RBFOX2: variants seen among roughly 807,000 people sequenced by gnomAD.
RBFOX2 encodes RNA binding fox-1 homolog 2, also known as RNA binding protein fox-1 homolog 2.
Under a neutral mutation model 49.1 loss-of-function variants are expected in RBFOX2, and 10 were observed. That is an observed-to-expected ratio of 0.20 (90% CI 0.13 to 0.35). The LOEUF (loss-of-function observed/expected upper bound fraction) is 0.35. Ranked by LOEUF, RBFOX2 falls within the 10% of genes least tolerant of loss-of-function variation. The probability of loss-of-function intolerance (pLI) is 1.00; values close to 1 mark genes in which losing one functional copy is unlikely to be tolerated. For synonymous variants in RBFOX2, 183 were observed against 187.4 expected (o/e 0.98, Z 0.19); for missense variants, 323 against 486.9 (o/e 0.66, Z 3.17).
At chr22:35,897,774 C>T (rs754942911) in intron 1 of RBFOX2, 19 of 760,748 alleles carry the variant, frequency 2.5e-5, no homozygotes, top group Non-Finnish European at 3.9e-5. Context: ...GGAATCTATC[C>T]TCTCTTCCAA....
chr22:36,021,017 T>C (rs1023238247), intron 1 of RBFOX2, among the ~76,000 whole-genome samples: 148 of 151,828 alleles, frequency 9.7e-4, no homozygotes, highest in African/African-American at 3.3e-3. Context: ...CAATGATAAA[T>C]TGGATTAAGA....
At chr22:35,886,122 C>A (rs1316711072) in intron 1 of RBFOX2, among the ~76,000 whole-genome samples, 1 of 152,036 alleles carries the variant, frequency 6.6e-6, no homozygotes, top group Non-Finnish European at 1.5e-5. Context: ...TCCCAAAGTG[C>A]TGGGATTACA....
intron 2 of RBFOX2, among the ~76,000 whole-genome samples, chr22:35,803,294 T>C (rs911246052): frequency 6.6e-6 from 1 of 152,078 alleles, no homozygotes; most frequent in African/African-American, 2.4e-5. Flanking sequence ...GTGACCCAGA[T>C]TCAAGAAAAT....
intron 2 of RBFOX2, among the ~76,000 whole-genome samples, chr22:35,794,836 C>T (rs188034789): frequency 2.0e-5 from 3 of 152,076 alleles, no homozygotes; most frequent in Non-Finnish European, 2.9e-5. Context: ...TAAGGGGCAG[C>T]GGAGCACAGC....
intron 2 of RBFOX2, among the ~76,000 whole-genome samples, chr22:35,800,132 T>C (rs1949503323): frequency 1.3e-5 from 2 of 152,176 alleles, no homozygotes; most frequent in African/African-American, 4.8e-5. Context: ...TCAAGACAAT[T>C]ATTACAATAA....
chr22:35,743,862 T>C (rs1931111229), exon 12 of RBFOX2: 2 of 230,206 alleles, frequency 8.7e-6, no homozygotes, highest in Non-Finnish European at 1.7e-5. Context: ...CTCTCCTTCC[T>C]CCTTGACTGC....
chr22:35,813,358 G>A (rs1260274347), intron 1 of RBFOX2, among the ~76,000 whole-genome samples: 2 of 152,134 alleles, frequency 1.3e-5, no homozygotes, highest in African/African-American at 4.8e-5. Flanking sequence ...CAGTTCACAT[G>A]AGTATTTCTA....
chr22:35,968,612 AACAG>A (rs1463552427), intron 1 of RBFOX2, among the ~76,000 whole-genome samples: 1 of 152,226 alleles, frequency 6.6e-6, no homozygotes, highest in African/African-American at 2.4e-5. Flanking sequence ...GATGCAAAAC[AACAG>A]ACAAAGGTTT....
chr22:35,824,607 T>C (rs997198610), intron 1 of RBFOX2, among the ~76,000 whole-genome samples: 4 of 152,210 alleles, frequency 2.6e-5, no homozygotes, highest in Admixed American at 1.3e-4. Flanking sequence ...AACAGACTGT[T>C]ATTACTGAAC....
Position 35,765,837 on chromosome 22 carries a change from T to C in RBFOX2, c.547-354A>G, listed in dbSNP as rs1034577538. Among the ~76,000 whole-genome samples the C allele has an allele frequency of 2.6e-5, 4 of 152,182 alleles. No homozygotes were observed. The East Asian group carries it at 7.7e-4, about 29-fold the overall frequency. ...ATTAGCAATTCACTTTGAAGTCTGT[T>C]AATAAAACAGAGGCTTGCCACATGG... On this transcript the variant is annotated intron_variant, in intron 5 of 11. Transcript: ENST00000405409.
intron 1 of RBFOX2, among the ~76,000 whole-genome samples, chr22:35,817,756 G>A (rs958765557): frequency 2.6e-5 from 4 of 152,016 alleles, no homozygotes; most frequent in Non-Finnish European, 5.9e-5. Flanking sequence ...TGGAATTCAG[G>A]AACACGACCA....
chr22:35,829,009 C>T (rs543233271), intron 1 of RBFOX2, among the ~76,000 whole-genome samples: 1 of 152,160 alleles, frequency 6.6e-6, no homozygotes, highest in Non-Finnish European at 1.5e-5. Context: ...CGAGATCGCG[C>T]CACTGCACTC....
rs535650014 is a variant in RBFOX2, at chr22:35,840,526, C to T, written c.-308G>A. ...GAGTAGAGCCCCACCTCTTCCTCCT[C>T]CCCCCACCCCCTCCCAGCAGGCTGA... On this transcript the variant is annotated 5_prime_UTR_variant, in exon 1 of 12. Coordinates refer to ENST00000405409, the Ensembl canonical transcript of RBFOX2. The T allele has an allele frequency of 7.4e-6, 9 of 1,222,940 alleles. No homozygotes were observed. The South Asian group carries it at 2.1e-4, about 28-fold the overall frequency. 75.8% of individuals were successfully genotyped at this position (1,222,940 alleles called of 1,614,324 possible). A position where few individuals can be genotyped will look rare whatever the true frequency, so the allele number is the denominator to read the frequency against.
chr22:35,930,344 C>T (rs1431132938), intron 1 of RBFOX2, among the ~76,000 whole-genome samples: 1 of 151,632 alleles, frequency 6.6e-6, no homozygotes, highest in Non-Finnish European at 1.5e-5. Flanking sequence ...AAAGCAACAG[C>T]CAAATACATA....
At chr22:35,997,753 G>A (rs1375188520) in intron 1 of RBFOX2, 1 of 152,304 alleles carries the variant, frequency 6.6e-6, no homozygotes, top group African/African-American at 2.4e-5. Flanking sequence ...CACTTTGGGA[G>A]GTTGAGGCAG....
chr22:35,972,426 T>C (rs977243922), intron 1 of RBFOX2, among the ~76,000 whole-genome samples: 11 of 145,004 alleles, frequency 7.6e-5, no homozygotes, highest in African/African-American at 3.1e-4. Flanking sequence ...TTTTTACTAA[T>C]GCTTCCTCAA....
At chr22:35,785,003 AT>A in intron 2 of RBFOX2, among the ~76,000 whole-genome samples, 1 of 152,022 alleles carries the variant, frequency 6.6e-6, no homozygotes, top group East Asian at 1.9e-4. Flanking sequence ...TTTTATTATT[AT>A]TTTTTTCAAT....
intron 1 of RBFOX2, among the ~76,000 whole-genome samples, chr22:36,005,890 GGTA>G (rs1003291358): frequency 6.6e-6 from 1 of 152,090 alleles, no homozygotes; most frequent in African/African-American, 2.4e-5. Context: ...AGCCATTTTT[GGTA>G]ACTTGTGAGC....
intron 1 of RBFOX2, among the ~76,000 whole-genome samples, chr22:35,959,695 C>T (rs975816788): frequency 4.6e-5 from 7 of 152,272 alleles, no homozygotes; most frequent in African/African-American, 9.6e-5. Context: ...CAATCTTGAC[C>T]GATCATTTGA....
Sources: gnomAD v4.1 joint callset for allele counts (sites outside exome capture counted in the v4.1 genomes callset) on GRCh38, gnomAD v4.1.1 for gene constraint, MANE v1.5 for transcripts, NCBI Gene and HGNC (gene_info 2026-07-23, HGNC 2026-07-21) for gene names.